Variants in RNF220 observed in about 807,000 individuals in gnomAD.
RNF220 encodes E3 ubiquitin-protein ligase RNF220.
In RNF220, 7 loss-of-function variants were observed where a neutral mutation model predicts 67.1. The ratio of observed to expected loss-of-function variants is 0.10; its 90% CI spans 0.06 to 0.20. The LOEUF is 0.20. Ranked by LOEUF, RNF220 falls within the 10% of genes least tolerant of loss-of-function variation. The probability of loss-of-function intolerance (pLI) is 1.00; values close to 1 mark genes in which losing one functional copy is unlikely to be tolerated. For synonymous variants in RNF220, 270 were observed against 283.2 expected (o/e 0.95, Z 0.47); for missense variants, 565 against 740.3 (o/e 0.76, Z 2.75).
At chr1:44,467,377 A>T (rs1400252418) in intron 2 of RNF220, among the ~76,000 whole-genome samples, 1 of 152,126 alleles carries the variant, frequency 6.6e-6, no homozygotes, top group Non-Finnish European at 1.5e-5. Context: ...ACGCCCAGCT[A>T]ATTTTGTATT....
Position 44,511,411 on chromosome 1 carries a change from C to T in RNF220, c.625+98689C>T, listed in dbSNP as rs149079760. On this transcript the variant is annotated intron_variant, in intron 2 of 14. Coordinates refer to ENST00000361799, the MANE Select transcript of RNF220 (RefSeq NM_018150.4). ...GGGGAAAGGAAAGGTGGGGGACAGACCAGTGAGCATGTAGACTGCTAATAA... is the reference window on the plus strand; with the variant it reads ...GGGGAAAGGAAAGGTGGGGGACAGATCAGTGAGCATGTAGACTGCTAATAA... 2.0e-3 allele frequency among the ~76,000 whole-genome samples: 312 copies of T among 152,212 alleles called. 7 individuals carry two copies. In the South Asian group the frequency reaches 0.038, roughly 18 times the overall value.
chr1:44,465,439 A>AT (rs11325368), intron 2 of RNF220, among the ~76,000 whole-genome samples: 101 of 144,398 alleles, frequency 7.0e-4, no homozygotes, highest in Non-Finnish European at 7.3e-4. Flanking sequence ...TCCATGTGCC[A>AT]TTTTTTTTTT....
chr1:44,508,886 G>A (rs1318317100), intron 2 of RNF220, among the ~76,000 whole-genome samples: 1 of 152,172 alleles, frequency 6.6e-6, no homozygotes, highest in Admixed American at 6.5e-5. Flanking sequence ...GGGACAGATG[G>A]AAAGGAGTAA....
Position 44,405,433 on chromosome 1 carries a change from C to T in RNF220, c.-215C>T. The T allele has an allele frequency of 1.6e-6, 1 of 627,596 alleles. No individual in the cohort carries two copies. The highest frequency in any genetic ancestry group is 3.2e-5 in the East Asian group (1 of 31,248). The allele number at this position is 627,596 out of a possible 1,614,324, so 38.9% of individuals were successfully genotyped here. On this transcript the variant is annotated 5_prime_UTR_variant, in exon 1 of 15. Transcript: ENST00000361799. ...CCGCCGCCGCCGCTGCCTCCGCCGG[C>T]TCTGCGAACCCGGGACTTTTCATGC...
At chr1:44,485,829 T>C (rs1324624215) in intron 2 of RNF220, among the ~76,000 whole-genome samples, 1 of 152,194 alleles carries the variant, frequency 6.6e-6, no homozygotes, top group South Asian at 2.1e-4. Context: ...GGCAGAGATA[T>C]GATTCATTCT....
rs147262445 is a variant in RNF220 at position 44,448,791 on chromosome 1, C to T, written c.625+36069C>T. On this transcript the variant is annotated intron_variant, in intron 2 of 14. Coordinates refer to ENST00000361799, the MANE Select transcript of RNF220 (RefSeq NM_018150.4). The stretch of plus-strand genomic sequence containing the variant: ...TTTTAAGACCCACAATTCAAAATAC[C>T]GGATTACAGTACTTTCACATAGTAA... Among the ~76,000 whole-genome samples, 404 of 152,236 alleles carry T rather than the reference C, an allele frequency of 2.7e-3. 3 individuals carry two copies. The highest frequency in any genetic ancestry group is 9.4e-3 in the African/African-American group (389 of 41,532).
At chr1:44,480,130 G>A (rs997138827) in intron 2 of RNF220, among the ~76,000 whole-genome samples, 1 of 152,208 alleles carries the variant, frequency 6.6e-6, no homozygotes, top group East Asian at 1.9e-4. Context: ...CAAAGGCAGG[G>A]CACAGTGGCT....
intron 2 of RNF220, among the ~76,000 whole-genome samples, chr1:44,462,376 AG>A (rs1424338010): frequency 4.6e-5 from 7 of 152,202 alleles, no homozygotes; most frequent in African/African-American, 1.4e-4. Flanking sequence ...TATTGACCAA[AG>A]GTAACATAAA....
At chr1:44,475,880 C>T (rs1235058932) in intron 2 of RNF220, among the ~76,000 whole-genome samples, 3 of 148,476 alleles carry the variant, frequency 2.0e-5, no homozygotes, top group South Asian at 4.2e-4. Context: ...GGTGTGTTGG[C>T]GCACACCTGT....
chr1:44,409,279 C>A (rs936411489), intron 1 of RNF220, among the ~76,000 whole-genome samples: 3 of 152,218 alleles, frequency 2.0e-5, no homozygotes, highest in African/African-American at 7.2e-5. Context: ...ATTTGTTGGT[C>A]CCTCCGTCCA....
Position 44,622,568 on chromosome 1 carries a change from G to T in RNF220, c.759-174G>T, listed in dbSNP as rs1186811802. On this transcript the variant is annotated intron_variant, in intron 3 of 14. Transcript: ENST00000361799. This position sits in a 1 kb window ranked among gnomAD's most constrained non-coding sequence, Gnocchi z 4.3. ...CCCAAGAGAGAGGCTGAGCCACTCA[G>T]CCCATGAGAGAGGCTGGGCCACTGG... is the stretch of plus-strand genomic sequence containing the variant. Among the ~76,000 whole-genome samples the T allele has an allele frequency of 2.6e-5, 4 of 152,234 alleles. No individual in the cohort carries two copies. Among genetic ancestry groups the T allele is most frequent in the Non-Finnish European group, 5.9e-5 (4 of 68,044 alleles).
intron 2 of RNF220, among the ~76,000 whole-genome samples, chr1:44,550,866 C>T (rs557777452): frequency 1.3e-5 from 2 of 152,260 alleles, no homozygotes; most frequent in East Asian, 1.9e-4. Flanking sequence ...GTTGGACCCC[C>T]TGTTCATTTC....
At chr1:44,618,722 CAGTGTGG>C (rs1643664585) in intron 3 of RNF220, among the ~76,000 whole-genome samples, 1 of 152,058 alleles carries the variant, frequency 6.6e-6, no homozygotes, top group East Asian at 1.9e-4. Context: ...GTTGCAAGGC[CAGTGTGG>C]AGTGTGGGTT....
intron 2 of RNF220, 104 bp from the exon 3 acceptor site, chr1:44,614,061 G>A (rs1643435983): frequency 6.6e-7 from 1 of 1,504,004 alleles, no homozygotes; most frequent in Non-Finnish European, 9.1e-7. Flanking sequence ...AGGCCAAGAA[G>A]CCCTAGAGGG....
rs542578771 is a variant in RNF220 at position 44,563,707 on chromosome 1, G to A, written c.626-50458G>A. Among the ~76,000 whole-genome samples, 68 of 152,318 alleles carry A rather than the reference G, an allele frequency of 4.5e-4. 1 individual carries two copies. The South Asian group carries it at 5.0e-3, about 11-fold the overall frequency. ...AACCTGTTTCACCATCTACAAAATA[G>A]AGATAATAGTCCATATTTCAAAAGG... On this transcript the variant is annotated intron_variant, in intron 2 of 14. Transcript: ENST00000361799.
In RNF220 at chr1:44,632,403, C is replaced by CCTCCCTCCGCCCCACCCCCGGCCT. The variant is rs1367485389; in HGVS notation, c.949+20_949+43dup. On this transcript the variant is annotated intron_variant, in intron 6 of 14. Coordinates refer to ENST00000361799, the MANE Select transcript of RNF220 (RefSeq NM_018150.4). Reference sequence around the variant, plus strand: ...ACTGAATGGTGAGTCCTGCCCGGCCCCTCCCTCCGCCCCACCCCCGGCCTC... The same window carrying CCTCCCTCCGCCCCACCCCCGGCCT: ...ACTGAATGGTGAGTCCTGCCCGGCCCCTCCCTCCGCCCCACCCCCGGCCTCTCCCTCCGCCCCACCCCCGGCCTC... 8 of 1,604,482 alleles carry CCTCCCTCCGCCCCACCCCCGGCCT rather than the reference C, an allele frequency of 5.0e-6. No homozygotes were observed. The highest frequency in any genetic ancestry group is 2.7e-5 in the African/African-American group (2 of 74,128).
intron 8 of RNF220, among the ~76,000 whole-genome samples, chr1:44,637,201 G>A (rs947877047): frequency 2.6e-5 from 4 of 152,242 alleles, no homozygotes; most frequent in Non-Finnish European, 5.9e-5. Context: ...CTGCAGGGCC[G>A]TCCAGTGCAG....
intron 2 of RNF220, among the ~76,000 whole-genome samples, chr1:44,503,211 G>C (rs1658089268): frequency 6.6e-6 from 1 of 151,546 alleles, no homozygotes; most frequent in Non-Finnish European, 1.5e-5. Context: ...GCACATGCCT[G>C]TAATCCCAGC....
intron 2 of RNF220, among the ~76,000 whole-genome samples, chr1:44,585,099 C>G (rs991528823): frequency 6.6e-6 from 1 of 152,220 alleles, no homozygotes; most frequent in Admixed American, 6.5e-5. Flanking sequence ...GGTCACCTGG[C>G]TCTCCTGACA....
Sources: allele counts gnomAD v4.1 joint callset (sites outside exome capture counted in the v4.1 genomes callset), GRCh38; gene constraint gnomAD v4.1.1; non-coding constraint Gnocchi (gnomAD v3.1); transcripts MANE v1.5; gene names NCBI Gene and HGNC (gene_info 2026-07-23, HGNC 2026-07-21).